FRMPD4: variants seen among roughly 807,000 people sequenced by gnomAD.
FRMPD4 encodes FERM and PDZ domain-containing protein 4.
In FRMPD4, 22 loss-of-function variants were observed where a neutral mutation model predicts 94.1. The ratio of observed to expected loss-of-function variants is 0.23; its 90% CI spans 0.17 to 0.33. FRMPD4 has a LOEUF of 0.33. Ranked by LOEUF, FRMPD4 falls within the 10% of genes least tolerant of loss-of-function variation. The probability of loss-of-function intolerance (pLI) is 1.00; values close to 1 mark genes in which losing one functional copy is unlikely to be tolerated. For synonymous variants in FRMPD4, 631 were observed against 548.6 expected, an observed-to-expected ratio of 1.15 and a Z score of -2.10; for missense variants, 1,111 against 1,339.9, an observed-to-expected ratio of 0.83 and a Z score of 2.67.
chrX:12,030,843 A>G (rs905989028), intron 3 of FRMPD4, among the ~76,000 whole-genome samples: 1 of 112,204 alleles, frequency 8.9e-6, no homozygotes, highest in Non-Finnish European at 1.9e-5. Context: ...TGAGCTGAGT[A>G]TCTAATACCC....
intron 3 of FRMPD4, among the ~76,000 whole-genome samples, chrX:12,084,170 G>A (rs2055085301): frequency 1.6e-5 from 1 of 63,538 alleles, no homozygotes; most frequent in African/African-American, 5.2e-5. Flanking sequence ...TTATGGGAGG[G>A]ACCCAGTGGG....
At chrX:12,146,246 C>T (rs936080929) in intron 1 of FRMPD4, among the ~76,000 whole-genome samples, 19 of 110,421 alleles carry the variant, frequency 1.7e-4, no homozygotes, top group African/African-American at 6.3e-4. Context: ...CGCTTGTAGT[C>T]TCAGCTACTC....
At chrX:11,848,512 T>TG (rs1440722031) in intron 1 of FRMPD4, among the ~76,000 whole-genome samples, 7 of 108,159 alleles carry the variant, frequency 6.5e-5, no homozygotes, top group Non-Finnish European at 9.6e-5. Flanking sequence ...CAGCCTGTGT[T>TG]TTTTTTTTTT....
At chrX:12,366,505 C>A (rs1261431390) in intron 1 of FRMPD4, among the ~76,000 whole-genome samples, 1 of 111,727 alleles carries the variant, frequency 9.0e-6, no homozygotes, top group Non-Finnish European at 1.9e-5. Context: ...TGGGAGTTTG[C>A]AGCAGTTGTC....
At chrX:11,930,774 T>C (rs945885037) in intron 3 of FRMPD4, among the ~76,000 whole-genome samples, 1 of 111,663 alleles carries the variant, frequency 9.0e-6, no homozygotes. Flanking sequence ...GGGAGGCAAT[T>C]TGATAATCTT....
chrX:12,248,987 C>A (rs1312008684), intron 1 of FRMPD4, among the ~76,000 whole-genome samples: 2 of 112,699 alleles, frequency 1.8e-5, no homozygotes, highest in Non-Finnish European at 3.8e-5. Flanking sequence ...TGCAGTGAAC[C>A]GAGATTGTGC....
chrX:12,458,958 A>G (rs2057363848), intron 1 of FRMPD4, among the ~76,000 whole-genome samples: 1 of 112,204 alleles, frequency 8.9e-6, no homozygotes. Context: ...GCAAGGAAGA[A>G]GCATAAGATG....
intron 2 of FRMPD4, among the ~76,000 whole-genome samples, chrX:12,526,976 T>TA (rs1374097666): frequency 1.1e-4 from 12 of 109,122 alleles, no homozygotes; most frequent in South Asian, 7.8e-4. Context: ...ATTACAAGTT[T>TA]AAAAAAAAAA....
chrX:12,569,579 A>G (rs944891647), intron 2 of FRMPD4, among the ~76,000 whole-genome samples: 1 of 112,305 alleles, frequency 8.9e-6, no homozygotes, highest in African/African-American at 3.2e-5. Context: ...ATAGTTTTAA[A>G]AAACCACACT....
At chrX:12,165,146 T>A (rs1266986273) in intron 1 of FRMPD4, among the ~76,000 whole-genome samples, 1 of 111,630 alleles carries the variant, frequency 9.0e-6, no homozygotes, top group Non-Finnish European at 1.9e-5. Context: ...CTGAATGGTA[T>A]TGCCTAGGTT....
At chrX:12,220,002 G>A (rs1392143147) in intron 1 of FRMPD4, among the ~76,000 whole-genome samples, 3 of 111,633 alleles carry the variant, frequency 2.7e-5, no homozygotes, top group South Asian at 7.6e-4. Flanking sequence ...TTAGCCTGGC[G>A]TGGTGGCACA....
intron 1 of FRMPD4, among the ~76,000 whole-genome samples, chrX:12,383,150 G>T (rs1569254471): frequency 8.9e-6 from 1 of 112,046 alleles, no homozygotes; most frequent in African/African-American, 3.2e-5. Flanking sequence ...ACAAAGCTGA[G>T]ATTATTTCAA....
At chrX:11,822,562 A>G (rs1751731187) in exon 1 of FRMPD4, among the ~76,000 whole-genome samples, 1 of 112,248 alleles carries the variant, frequency 8.9e-6, no homozygotes, top group East Asian at 2.8e-4. Flanking sequence ...AAAGAAAAAG[A>G]GCTAGAGTTG....
chrX:11,874,670 A>C (rs1258586296), intron 2 of FRMPD4, among the ~76,000 whole-genome samples: 1 of 111,783 alleles, frequency 8.9e-6, no homozygotes, highest in Non-Finnish European at 1.9e-5. Context: ...AGGTACTTGC[A>C]ATGTAGGGCA....
chrX:12,673,547 G>C (rs2059865129), intron 4 of FRMPD4, among the ~76,000 whole-genome samples: 1 of 111,705 alleles, frequency 9.0e-6, no homozygotes, highest in Non-Finnish European at 1.9e-5. Flanking sequence ...ATTGAAGCTA[G>C]ATTGCTTCCC....
chrX:12,670,208 C>T (rs2088154806), intron 4 of FRMPD4, among the ~76,000 whole-genome samples: 1 of 112,253 alleles, frequency 8.9e-6, no homozygotes, highest in Non-Finnish European at 1.9e-5. Context: ...TGACAATTAT[C>T]CCTCATTCTC....
intron 1 of FRMPD4, among the ~76,000 whole-genome samples, chrX:12,217,830 T>C (rs1014768836): frequency 8.9e-6 from 1 of 112,324 alleles, no homozygotes; most frequent in African/African-American, 3.2e-5. Context: ...AAGGGAAACA[T>C]TTACTATCTG....
chrX:12,538,783 T>C (rs1238766129), intron 2 of FRMPD4, among the ~76,000 whole-genome samples: 4 of 111,693 alleles, frequency 3.6e-5, no homozygotes, highest in Non-Finnish European at 5.7e-5. Flanking sequence ...AGAAAGGACA[T>C]CCACACCAAA....
At chrX:12,115,879 C>T (rs1019037680) in intron 3 of FRMPD4, among the ~76,000 whole-genome samples, 6 of 111,906 alleles carry the variant, frequency 5.4e-5, no homozygotes, top group Non-Finnish European at 1.1e-4. Context: ...CCTCACTCTT[C>T]CCTTGCAAGC....
Sources: allele counts gnomAD v4.1 joint callset (sites outside exome capture counted in the v4.1 genomes callset), GRCh38; gene constraint gnomAD v4.1.1; transcripts MANE v1.5; gene names NCBI Gene and HGNC (gene_info 2026-07-23, HGNC 2026-07-21).